The following SGCD variants were observed in gnomAD, a reference collection of about 807,000 sequenced individuals.
SGCD encodes the protein sarcoglycan delta.
A neutral mutation model predicts 36.6 loss-of-function variants in SGCD; 18 were observed. The ratio of observed to expected loss-of-function variants is 0.49; its 90% confidence interval spans 0.34 to 0.73. SGCD has a LOEUF of 0.73. Ranked by LOEUF, SGCD falls within the 30% of genes least tolerant of loss-of-function variation. The probability of loss-of-function intolerance (pLI) is 0.01; values close to 1 mark genes in which losing one functional copy is unlikely to be tolerated. For synonymous variants in SGCD, 133 were observed against 130.6 expected (o/e 1.02, Z -0.12); for missense variants, 387 against 346.7 (o/e 1.12, Z -0.92).
chr5:156,694,274 G>C (rs752979325), intron 7 of SGCD, among the ~76,000 whole-genome samples: 21 of 152,204 alleles, frequency 1.4e-4, no homozygotes, highest in Non-Finnish European at 2.5e-4. Context: ...TCTGGGAGTT[G>C]AGGTGAGCTT....
chr5:156,699,413 G>T lies in SGCD; in HGVS notation c.575+51877G>T, dbSNP rs115178116. Among the ~76,000 whole-genome samples the T allele has an allele frequency of 2.4e-3, 362 of 152,126 alleles. 1 individual carries two copies. The highest frequency in any genetic ancestry group is 8.3e-3 in the African/African-American group (344 of 41,486). ...CAAACAAATTAGTTTAGAAGGAAAG[G>T]CTGTTCCTTTACTATCAGTACCTGC... On this transcript the variant is annotated intron_variant, in intron 7 of 8. Transcript: ENST00000337851.
At chr5:156,705,403 T>C (rs1754699057) in intron 7 of SGCD, among the ~76,000 whole-genome samples, 1 of 152,166 alleles carries the variant, frequency 6.6e-6, no homozygotes, top group Non-Finnish European at 1.5e-5. Context: ...CACATGCAAC[T>C]TCTAACCAGA....
intron 3 of SGCD, among the ~76,000 whole-genome samples, chr5:156,308,179 A>T (rs1767281855): frequency 6.6e-6 from 1 of 152,214 alleles, no homozygotes; most frequent in South Asian, 2.1e-4. Flanking sequence ...TAATTGACTC[A>T]CAGTTCTGCA....
intron 1 of SGCD, among the ~76,000 whole-genome samples, chr5:155,998,377 G>A (rs1758598404): frequency 6.6e-6 from 1 of 152,132 alleles, no homozygotes; most frequent in Non-Finnish European, 1.5e-5. Flanking sequence ...GGCAAGGAAG[G>A]AACTTAGGAA....
intron 1 of SGCD, among the ~76,000 whole-genome samples, chr5:155,905,811 C>CTG (rs1173865716): frequency 6.6e-6 from 1 of 152,060 alleles, no homozygotes; most frequent in Non-Finnish European, 1.5e-5. Flanking sequence ...TCTCTTGCTG[C>CTG]CACCATGTAA....
intron 4 of SGCD, among the ~76,000 whole-genome samples, chr5:156,509,098 A>G (rs1382866097): frequency 6.6e-6 from 1 of 152,184 alleles, no homozygotes; most frequent in East Asian, 1.9e-4. Context: ...TTTCATTAAG[A>G]CTTTACACTG....
At chr5:156,545,728 G>A (rs546079906) in intron 4 of SGCD, among the ~76,000 whole-genome samples, 4 of 152,218 alleles carry the variant, frequency 2.6e-5, no homozygotes, top group Non-Finnish European at 4.4e-5. Flanking sequence ...ACCCGTCTTC[G>A]GCCTGGGGGT....
chr5:156,621,714 A>G (rs1230915308), intron 6 of SGCD, among the ~76,000 whole-genome samples: 1 of 152,250 alleles, frequency 6.6e-6, no homozygotes, highest in Admixed American at 6.5e-5. Context: ...GAGCATATAC[A>G]AAGTCCTGTT....
Position 156,001,971 on chromosome 5 carries a change from G to A in SGCD, c.-281-115907G>A, listed in dbSNP as rs559659633. On this transcript the variant is annotated intron_variant, in intron 1 of 9. Coordinates refer to the SGCD transcript ENST00000517913. Reference sequence around the variant, plus strand: ...CTGGTTTACCTCACATTGAGAGCCAGGGTCAAAAGAGATGAAAGAAGATTG... The same window carrying A: ...CTGGTTTACCTCACATTGAGAGCCAAGGTCAAAAGAGATGAAAGAAGATTG... Among the ~76,000 whole-genome samples the A allele has an allele frequency of 1.8e-3, 279 of 152,310 alleles. 1 individual carries two copies. The highest frequency in any genetic ancestry group is 6.6e-3 in the African/African-American group (273 of 41,562).
chr5:156,332,452 C>T (rs952864832), intron 2 of SGCD, among the ~76,000 whole-genome samples: 3 of 152,194 alleles, frequency 2.0e-5, no homozygotes, highest in Admixed American at 1.3e-4. Flanking sequence ...TCATTGACCC[C>T]GCTATCTGAC....
chr5:155,915,971 T>C (rs562672540), intron 1 of SGCD, among the ~76,000 whole-genome samples: 1 of 152,268 alleles, frequency 6.6e-6, no homozygotes, highest in South Asian at 2.1e-4. Context: ...AGTTAAGCAG[T>C]AGGTGTCTTC....
At chr5:156,544,297 C>G (rs1487988958) in intron 4 of SGCD, among the ~76,000 whole-genome samples, 1 of 152,178 alleles carries the variant, frequency 6.6e-6, no homozygotes, top group East Asian at 1.9e-4. Context: ...CCTATGGGAA[C>G]TTTGGTGGAT....
intron 3 of SGCD, among the ~76,000 whole-genome samples, chr5:156,304,979 G>A (rs1767164165): frequency 1.3e-5 from 2 of 152,180 alleles, no homozygotes; most frequent in South Asian, 4.1e-4. Flanking sequence ...AAGCAGCAAA[G>A]CATTCAAGAA....
intron 3 of SGCD, among the ~76,000 whole-genome samples, chr5:156,423,271 A>AAT (rs1580969402): frequency 2.2e-4 from 2 of 9,056 alleles, no homozygotes; most frequent in African/African-American, 5.9e-4. Flanking sequence ...ATTATAATAT[A>AAT]ACATTATATT....
chr5:156,335,328 A>G (rs1276553769), intron 2 of SGCD, among the ~76,000 whole-genome samples: 1 of 152,174 alleles, frequency 6.6e-6, no homozygotes, highest in Non-Finnish European at 1.5e-5. Context: ...CCTTGATAAT[A>G]TTTATTTAAA....
At chr5:155,904,141 G>A (rs1277573023) in intron 1 of SGCD, among the ~76,000 whole-genome samples, 5 of 152,152 alleles carry the variant, frequency 3.3e-5, no homozygotes, top group African/African-American at 1.2e-4. Flanking sequence ...TGTTTCCCAT[G>A]ACTTGACTTA....
chr5:156,445,729 G>A (rs1043696703), intron 3 of SGCD, among the ~76,000 whole-genome samples: 13 of 152,212 alleles, frequency 8.5e-5, no homozygotes, highest in Non-Finnish European at 1.3e-4. Context: ...TTCCTGTACA[G>A]ATTAAATGGA....
chr5:155,978,625 T>C (rs1375647497), intron 1 of SGCD, among the ~76,000 whole-genome samples: 2 of 152,250 alleles, frequency 1.3e-5, no homozygotes, highest in Non-Finnish European at 2.9e-5. Context: ...TTCCCTTGTC[T>C]AGACTTAGTC....
At chr5:156,653,530 G>A (rs1195679408) in intron 7 of SGCD, among the ~76,000 whole-genome samples, 1 of 75,814 alleles carries the variant, frequency 1.3e-5, no homozygotes, top group African/African-American at 4.7e-5. Flanking sequence ...TCAAACTGTG[G>A]TAGCCCGGAC....
Sources: allele counts gnomAD v4.1 joint callset (sites outside exome capture counted in the v4.1 genomes callset), GRCh38; gene constraint gnomAD v4.1.1; transcripts MANE v1.5; gene names NCBI Gene and HGNC (gene_info 2026-07-23, HGNC 2026-07-21).